The following UBQLN1 variants were observed in gnomAD, a reference collection of about 807,000 sequenced individuals.
UBQLN1 encodes the protein ubiquilin-1.
In UBQLN1, 13 loss-of-function variants were observed where a neutral mutation model predicts 65.4. That is an observed-to-expected ratio of 0.20 (90% CI 0.13 to 0.32). The LOEUF (loss-of-function observed/expected upper bound fraction) is 0.32. Among genes scored for constraint, UBQLN1 ranks in the 10% least tolerant of loss-of-function variants. The probability of loss-of-function intolerance (pLI) is 1.00; values close to 1 mark genes in which losing one functional copy is unlikely to be tolerated. For missense variants in UBQLN1, 561 were observed against 724.0 expected (o/e 0.77, Z 2.58); for synonymous variants, 267 against 247.8 (o/e 1.08, Z -0.73).
intron 7 of UBQLN1, chr9:83,667,166 C>T (rs1587638304): frequency 1.3e-5 from 2 of 152,070 alleles, no homozygotes; most frequent in Admixed American, 6.6e-5. Context: ...TTCAAATAAA[C>T]GTTAAGAATT....
chr9:83,663,234 C>G (rs2131139259), intron 10 of UBQLN1, among the ~76,000 whole-genome samples: 1 of 152,056 alleles, frequency 6.6e-6, no homozygotes, highest in Non-Finnish European at 1.5e-5. Context: ...CAGAAAGCAC[C>G]TAACAGACCT....
At chr9:83,700,050 T>C (rs1234190525) in intron 1 of UBQLN1, among the ~76,000 whole-genome samples, 1 of 152,196 alleles carries the variant, frequency 6.6e-6, no homozygotes, top group South Asian at 2.1e-4. Flanking sequence ...AAACCAGCAT[T>C]TACCAACAAA....
chr9:83,692,092 G>C (rs564907632), intron 1 of UBQLN1, among the ~76,000 whole-genome samples: 2 of 151,896 alleles, frequency 1.3e-5, no homozygotes, highest in Middle Eastern at 6.8e-3. Flanking sequence ...AAGCAACTTT[G>C]TAAGTTTAGC....
At chr9:83,706,770 G>A (rs934709425) in intron 1 of UBQLN1, among the ~76,000 whole-genome samples, 1 of 151,930 alleles carries the variant, frequency 6.6e-6, no homozygotes, top group African/African-American at 2.4e-5. Context: ...TATCAACATC[G>A]CTATCGCCCC....
At chr9:83,685,481 C>G (rs1282021060) in intron 2 of UBQLN1, among the ~76,000 whole-genome samples, 1 of 152,120 alleles carries the variant, frequency 6.6e-6, no homozygotes, top group Non-Finnish European at 1.5e-5. Flanking sequence ...AGTATTCTTT[C>G]TTAGTGATAC....
chr9:83,698,045 A>T (rs573504377), intron 1 of UBQLN1, among the ~76,000 whole-genome samples: 2 of 152,214 alleles, frequency 1.3e-5, no homozygotes, highest in African/African-American at 4.8e-5. Context: ...CAGCATCTTC[A>T]TTTTTTAAAA....
At chr9:83,705,937 A>T (rs924275209) in intron 1 of UBQLN1, among the ~76,000 whole-genome samples, 2 of 138,480 alleles carry the variant, frequency 1.4e-5, no homozygotes, top group African/African-American at 5.8e-5. Context: ...CTTAGGGCAT[A>T]AAAAAAAAAA....
At chr9:83,691,788 A>G (rs1424797805) in intron 1 of UBQLN1, among the ~76,000 whole-genome samples, 1 of 152,224 alleles carries the variant, frequency 6.6e-6, no homozygotes, top group East Asian at 1.9e-4. Flanking sequence ...AACCTCATGG[A>G]ACTCTTGGTT....
intron 1 of UBQLN1, among the ~76,000 whole-genome samples, chr9:83,695,987 T>C (rs1415833552): frequency 6.6e-6 from 1 of 152,148 alleles, no homozygotes; most frequent in Admixed American, 6.5e-5. Flanking sequence ...GTTGCCAGGA[T>C]AGAGTGCAGT....
At chr9:83,675,011 C>A (rs1831807292) in intron 6 of UBQLN1, among the ~76,000 whole-genome samples, 1 of 152,146 alleles carries the variant, frequency 6.6e-6, no homozygotes, top group South Asian at 2.1e-4. Context: ...TATTGACTGT[C>A]TTATTCATCA....
At chr9:83,678,912 G>A (rs751469838) in intron 4 of UBQLN1, among the ~76,000 whole-genome samples, 5 of 151,970 alleles carry the variant, frequency 3.3e-5, no homozygotes, top group Admixed American at 2.0e-4. Context: ...TAGTAGAGAC[G>A]GGGTTTCACC....
intron 6 of UBQLN1, among the ~76,000 whole-genome samples, chr9:83,676,991 G>A (rs1831844651): frequency 6.6e-6 from 1 of 152,202 alleles, no homozygotes; most frequent in South Asian, 2.1e-4. Flanking sequence ...ATGAGAATCT[G>A]CTTCACACAA....
At chr9:83,664,785 G>A (rs1030074576) in intron 9 of UBQLN1, among the ~76,000 whole-genome samples, 18 of 151,368 alleles carry the variant, frequency 1.2e-4, no homozygotes, top group African/African-American at 4.1e-4. Flanking sequence ...TAGGTGTGGT[G>A]GTGCACACCT....
Position 83,679,999 on chromosome 9 carries a change from A to G in UBQLN1, c.487T>C (p.Leu163=). ...GGLAGLSSLG[L]NTTNFSELQS... is the part of the protein sequence containing the mutation. ...AGTTCAGAGAAGTTGGTAGTATTCAAACCCAAGCTACTCAGACCTGCAAGT... is the reference window on the plus strand; with the variant it reads ...AGTTCAGAGAAGTTGGTAGTATTCAGACCCAAGCTACTCAGACCTGCAAGT... Residue 163 remains leucine (L), a synonymous_variant, in exon 4 of 11, where the codon TTG becomes CTG. Transcript: ENST00000376395. 1 of 1,614,176 alleles carries G rather than the reference A, an allele frequency of 6.2e-7. No individual in the cohort carries two copies. Among genetic ancestry groups the G allele is most frequent in the East Asian group, 2.2e-5 (1 of 44,874 alleles).
intron 4 of UBQLN1, 130 bp downstream of exon 4, chr9:83,679,645 T>C (rs528256391): frequency 9.8e-7 from 1 of 1,023,560 alleles, no homozygotes; most frequent in South Asian, 2.0e-5. Context: ...TGTTGAGTTT[T>C]CTTAAACCAA....
chr9:83,706,778 C>T (rs763309285), intron 1 of UBQLN1, among the ~76,000 whole-genome samples: 5 of 152,054 alleles, frequency 3.3e-5, no homozygotes, highest in African/African-American at 1.2e-4. Context: ...TCGCTATCGC[C>T]CCTCTAAAAT....
At chr9:83,688,610 T>C (rs1832077675) in intron 1 of UBQLN1, among the ~76,000 whole-genome samples, 1 of 151,534 alleles carries the variant, frequency 6.6e-6, no homozygotes, top group South Asian at 2.1e-4. Flanking sequence ...ACACCTGTAA[T>C]CCCAGCACTC....
intron 7 of UBQLN1, 164 bp from the exon 8 acceptor site, chr9:83,666,597 A>G: frequency 1.8e-6 from 1 of 569,972 alleles, no homozygotes. Flanking sequence ...CACAAGAGGG[A>G]TCTCCAGAAG....
In UBQLN1 at chr9:83,679,156, T is replaced by C. The variant is rs535926202; in HGVS notation, c.712-557A>G. Among the ~76,000 whole-genome samples the C allele has an allele frequency of 6.6e-5, 10 of 152,280 alleles. No individual in the cohort carries two copies. The East Asian group carries it at 1.5e-3, about 24-fold the overall frequency. On this transcript the variant is annotated intron_variant, in intron 4 of 10. Transcript: ENST00000376395. Reference sequence around the variant, plus strand: ...GGGGCCAGTTTCCCCCCCAAAACCATAGTAAGCTGCAGTCAACGTGAGTCA... The same window carrying C: ...GGGGCCAGTTTCCCCCCCAAAACCACAGTAAGCTGCAGTCAACGTGAGTCA...
Sources: gnomAD v4.1 joint callset for allele counts (sites outside exome capture counted in the v4.1 genomes callset) on GRCh38, gnomAD v4.1.1 for gene constraint, MANE v1.5 for transcripts, NCBI Gene and HGNC (gene_info 2026-07-23, HGNC 2026-07-21) for gene names.